Variants in HDAC9 observed in about 807,000 individuals in gnomAD.
HDAC9 encodes MEF-2 interacting transcription repressor (MITR) protein.
HDAC9 carries 41 observed loss-of-function variants against 139.4 expected under a neutral mutation model. The ratio of observed to expected loss-of-function variants is 0.29; its 90% confidence interval spans 0.23 to 0.38. HDAC9 has a LOEUF of 0.38. Ranked by LOEUF, HDAC9 falls within the 10% of genes least tolerant of loss-of-function variation. HDAC9 has a pLI of 1.00. For missense variants in HDAC9, 1,147 were observed against 1,297.0 expected (o/e 0.88, Z 1.78); for synonymous variants, 517 against 476.2 (o/e 1.09, Z -1.12).
intron 2 of HDAC9, among the ~76,000 whole-genome samples, chr7:18,499,901 G>A (rs939587702): frequency 6.6e-6 from 1 of 152,020 alleles, no homozygotes; most frequent in African/African-American, 2.4e-5. Context: ...CAGTAGTCAC[G>A]TCACTTATGT....
intron 23 of HDAC9, among the ~76,000 whole-genome samples, chr7:18,950,219 A>T (rs1782697280): frequency 6.6e-6 from 1 of 152,028 alleles, no homozygotes; most frequent in African/African-American, 2.4e-5. Context: ...AATTATTGGC[A>T]TGGCCATTCT....
chr7:18,463,552 C>A (rs1794025743), intron 1 of HDAC9, among the ~76,000 whole-genome samples: 1 of 151,630 alleles, frequency 6.6e-6, no homozygotes, highest in Admixed American at 6.6e-5. Flanking sequence ...CTTTAATATT[C>A]CTGCATTATT....
chr7:18,149,713 A>G (rs1314032714), intron 1 of HDAC9, among the ~76,000 whole-genome samples: 1 of 150,984 alleles, frequency 6.6e-6, no homozygotes. Flanking sequence ...ACCACGCCCA[A>G]CTAATTTAGT....
intron 1 of HDAC9, among the ~76,000 whole-genome samples, chr7:18,372,392 A>G (rs551023757): frequency 1.1e-4 from 17 of 152,324 alleles, no homozygotes; most frequent in African/African-American, 4.1e-4. Context: ...CAGGACAGGC[A>G]TGGCAGGAAG....
intron 2 of HDAC9, among the ~76,000 whole-genome samples, chr7:18,254,196 A>C (rs770703556): frequency 3.3e-5 from 5 of 152,208 alleles, no homozygotes; most frequent in Non-Finnish European, 7.3e-5. Context: ...TTTTAAAAGA[A>C]ATGGCTGTCC....
chr7:18,237,041 C>G (rs866456918), intron 2 of HDAC9, among the ~76,000 whole-genome samples: 5 of 152,186 alleles, frequency 3.3e-5, no homozygotes, highest in Non-Finnish European at 7.4e-5. Flanking sequence ...TCACTCTGTT[C>G]GTATCCCACT....
intron 1 of HDAC9, among the ~76,000 whole-genome samples, chr7:18,447,601 T>C (rs1410655399): frequency 6.6e-6 from 1 of 152,246 alleles, no homozygotes; most frequent in Non-Finnish European, 1.5e-5. Context: ...ATTTAATTTA[T>C]AAAGTTGAGA....
Position 18,629,292 on chromosome 7 carries a change from A to G in HDAC9, c.665-58A>G, listed in dbSNP as rs1256407262. 6 of 1,447,766 alleles carry G rather than the reference A, an allele frequency of 4.1e-6. No homozygotes were observed. The African/African-American group carries it at 4.4e-5, about 11-fold the overall frequency. 89.7% of individuals were successfully genotyped at this position (1,447,766 alleles called of 1,614,324 possible). On this transcript the variant is annotated intron_variant, in intron 6 of 25. Transcript: ENST00000686413. ...TTTTTTTTTTTTTAACACATGAGCAATTGGCTCTCTATTTTTTTAATTTTT... is the reference window on the plus strand; with the variant it reads ...TTTTTTTTTTTTTAACACATGAGCAGTTGGCTCTCTATTTTTTTAATTTTT...
intron 11 of HDAC9, among the ~76,000 whole-genome samples, chr7:18,650,383 A>C (rs931355642): frequency 6.6e-6 from 1 of 152,152 alleles, no homozygotes; most frequent in African/African-American, 2.4e-5. Context: ...GGATGTATAT[A>C]TTTTACTATG....
At chr7:18,440,441 T>C (rs1158659650) in intron 1 of HDAC9, among the ~76,000 whole-genome samples, 2 of 152,112 alleles carry the variant, frequency 1.3e-5, no homozygotes, top group Non-Finnish European at 2.9e-5. Flanking sequence ...CACCTCGGCC[T>C]CCCAAAGTGC....
intron 23 of HDAC9, among the ~76,000 whole-genome samples, chr7:18,950,052 A>G (rs1782684578): frequency 6.6e-6 from 1 of 152,084 alleles, no homozygotes; most frequent in African/African-American, 2.4e-5. Context: ...TATAGAATAC[A>G]TTATGTTATG....
chr7:18,213,485 T>A (rs994993093), intron 2 of HDAC9, among the ~76,000 whole-genome samples: 1 of 152,150 alleles, frequency 6.6e-6, no homozygotes, highest in Admixed American at 6.6e-5. Flanking sequence ...AATGTGGTAG[T>A]TCTTGGGATT....
intron 2 of HDAC9, among the ~76,000 whole-genome samples, chr7:18,208,662 C>T (rs1791719238): frequency 6.6e-6 from 1 of 152,080 alleles, no homozygotes; most frequent in African/African-American, 2.4e-5. Context: ...AGGCCTGAGC[C>T]ACTGCACCCG....
chr7:18,255,321 T>G (rs1795161047), intron 2 of HDAC9, among the ~76,000 whole-genome samples: 2 of 152,154 alleles, frequency 1.3e-5, no homozygotes, highest in Non-Finnish European at 1.5e-5. Flanking sequence ...AGAGTGAGAT[T>G]CTTTTTAGGT....
intron 1 of HDAC9, among the ~76,000 whole-genome samples, chr7:18,342,545 A>G (rs937376930): frequency 5.3e-5 from 8 of 152,038 alleles, no homozygotes; most frequent in Non-Finnish European, 8.8e-5. Context: ...TTATATTACA[A>G]GAAAAATGTT....
intron 1 of HDAC9, among the ~76,000 whole-genome samples, chr7:18,314,312 G>C (rs376376210): frequency 2.6e-5 from 4 of 152,168 alleles, no homozygotes; most frequent in East Asian, 3.9e-4. Context: ...TGCAGTCACT[G>C]TTTCTAAACC....
At chr7:18,347,156 T>A (rs758942383) in intron 1 of HDAC9, among the ~76,000 whole-genome samples, 9 of 152,220 alleles carry the variant, frequency 5.9e-5, no homozygotes, top group Non-Finnish European at 1.2e-4. Flanking sequence ...TGTAACATTT[T>A]CCAATCCTAG....
chr7:18,631,995 T>C (rs1162040170), intron 7 of HDAC9, among the ~76,000 whole-genome samples: 1 of 151,794 alleles, frequency 6.6e-6, no homozygotes, highest in South Asian at 2.1e-4. Context: ...CATAAAATAA[T>C]ATAAATATTA....
At chr7:18,385,684 A>G (rs1031250940) in intron 1 of HDAC9, among the ~76,000 whole-genome samples, 1 of 152,202 alleles carries the variant, frequency 6.6e-6, no homozygotes, top group Non-Finnish European at 1.5e-5. Flanking sequence ...TTTCTCATAA[A>G]TTGGCTTTAG....
Sources: gnomAD v4.1 joint callset for allele counts (sites outside exome capture counted in the v4.1 genomes callset) on GRCh38, gnomAD v4.1.1 for gene constraint, MANE v1.5 for transcripts, NCBI Gene and HGNC (gene_info 2026-07-23, HGNC 2026-07-21) for gene names.